Variants in TMEM45A observed in about 807,000 individuals in gnomAD.
The protein encoded by TMEM45A is transmembrane protein 45A, also known as DNA polymerase-transactivated protein 4.
A neutral mutation model predicts 32.0 loss-of-function variants in TMEM45A; 25 were observed. The ratio of observed to expected loss-of-function variants is 0.78; its 90% confidence interval spans 0.57 to 1.09. The LOEUF (loss-of-function observed/expected upper bound fraction) is 1.09, where lower values mean the gene tolerates loss of function less well. Among genes scored for constraint, TMEM45A ranks in the 50% least tolerant of loss-of-function variants. The pLI, the probability that TMEM45A is intolerant of heterozygous loss-of-function variation, is 0.00. For synonymous variants in TMEM45A, 122 were observed against 114.8 expected (o/e 1.06, Z -0.40); for missense variants, 302 against 325.0 (o/e 0.93, Z 0.54).
intron 1 of TMEM45A, among the ~76,000 whole-genome samples, chr3:100,517,388 G>T (rs1418708914): frequency 6.6e-6 from 1 of 152,180 alleles, no homozygotes; most frequent in South Asian, 2.1e-4. Context: ...ACCCGGCTGG[G>T]AATGGAATAT....
chr3:100,514,856 G>A (rs1190402518), intron 1 of TMEM45A, among the ~76,000 whole-genome samples: 1 of 149,246 alleles, frequency 6.7e-6, no homozygotes, highest in Non-Finnish European at 1.5e-5. Flanking sequence ...CATTTATGCA[G>A]CCAAAAAACA....
intron 1 of TMEM45A, among the ~76,000 whole-genome samples, chr3:100,551,211 C>T (rs1026569408): frequency 2.6e-5 from 4 of 151,954 alleles, no homozygotes; most frequent in Admixed American, 2.0e-4. Flanking sequence ...GACGGGGTTT[C>T]GCCGTGTCAG....
At chr3:100,510,215 C>T (rs1380142449) in intron 1 of TMEM45A, among the ~76,000 whole-genome samples, 1 of 152,088 alleles carries the variant, frequency 6.6e-6, no homozygotes, top group Non-Finnish European at 1.5e-5. Context: ...ACTTAAATGT[C>T]CCTGTCTGAC....
chr3:100,546,679 C>T (rs772546586), intron 1 of TMEM45A, among the ~76,000 whole-genome samples: 1 of 152,210 alleles, frequency 6.6e-6, no homozygotes, highest in Non-Finnish European at 1.5e-5. Context: ...AAAGCTTTAC[C>T]TCCTTAACAT....
chr3:100,541,371 T>G (rs1705871739), intron 1 of TMEM45A, among the ~76,000 whole-genome samples: 1 of 152,132 alleles, frequency 6.6e-6, no homozygotes. Context: ...TCGCAATTGT[T>G]TTTGGGGACT....
At chr3:100,498,896 T>C (rs1707971646) in intron 1 of TMEM45A, among the ~76,000 whole-genome samples, 1 of 152,196 alleles carries the variant, frequency 6.6e-6, no homozygotes, top group Non-Finnish European at 1.5e-5. Context: ...TTATTTTCTG[T>C]TTTTAATGTA....
At chr3:100,528,168 T>C (rs1705582455) in intron 1 of TMEM45A, among the ~76,000 whole-genome samples, 2 of 152,202 alleles carry the variant, frequency 1.3e-5, no homozygotes, top group South Asian at 4.1e-4. Flanking sequence ...TCCACAGTGG[T>C]GCCAAGGGTT....
intron 4 of TMEM45A, among the ~76,000 whole-genome samples, chr3:100,564,777 C>G (rs1305828205): frequency 6.6e-6 from 1 of 152,228 alleles, no homozygotes; most frequent in African/African-American, 2.4e-5. Context: ...AGCCACCACA[C>G]CTGGCCGCAA....
chr3:100,510,304 C>A (rs1471748489), intron 1 of TMEM45A, among the ~76,000 whole-genome samples: 3 of 152,208 alleles, frequency 2.0e-5, no homozygotes, highest in Non-Finnish European at 2.9e-5. Flanking sequence ...CAAGTGGGTC[C>A]CTGACCCCTG....
chr3:100,546,122 AGG>A (rs1258439826), intron 1 of TMEM45A, among the ~76,000 whole-genome samples: 3 of 152,162 alleles, frequency 2.0e-5, no homozygotes, highest in African/African-American at 7.2e-5. Context: ...CAAGGAATGG[AGG>A]TGGCTTCTAA....
chr3:100,561,477 A>C (rs1369835172), intron 4 of TMEM45A, among the ~76,000 whole-genome samples: 1 of 152,194 alleles, frequency 6.6e-6, no homozygotes, highest in Admixed American at 6.5e-5. Flanking sequence ...CACACATATA[A>C]ATGATTGGGT....
intron 1 of TMEM45A, among the ~76,000 whole-genome samples, chr3:100,500,353 C>T (rs561157106): frequency 6.6e-6 from 1 of 152,062 alleles, no homozygotes; most frequent in South Asian, 2.1e-4. Flanking sequence ...CAGACACTAG[C>T]ACTCAAGTGA....
intron 1 of TMEM45A, among the ~76,000 whole-genome samples, chr3:100,552,396 G>A (rs1041539732): frequency 6.6e-6 from 1 of 152,122 alleles, no homozygotes; most frequent in African/African-American, 2.4e-5. Flanking sequence ...GGTGTAATAG[G>A]GACCCTCCCC....
chr3:100,522,398 G>A (rs536675386), intron 1 of TMEM45A, among the ~76,000 whole-genome samples: 25 of 152,244 alleles, frequency 1.6e-4, no homozygotes, highest in African/African-American at 5.5e-4. Flanking sequence ...ATGGTGCAAG[G>A]CCCCAGTGTT....
At chr3:100,509,257 G>C (rs1031615977) in intron 1 of TMEM45A, among the ~76,000 whole-genome samples, 1 of 152,184 alleles carries the variant, frequency 6.6e-6, no homozygotes, top group African/African-American at 2.4e-5. Flanking sequence ...CAGTTGGAAT[G>C]GCTGTTATGA....
intron 1 of TMEM45A, among the ~76,000 whole-genome samples, chr3:100,495,132 C>T (rs1707904815): frequency 6.6e-6 from 1 of 152,186 alleles, no homozygotes; most frequent in African/African-American, 2.4e-5. Context: ...GAGTGCTGAC[C>T]ACTTGCTAGC....
chr3:100,525,429 A>T (rs1338941938), intron 1 of TMEM45A, among the ~76,000 whole-genome samples: 1 of 152,170 alleles, frequency 6.6e-6, no homozygotes, highest in East Asian at 1.9e-4. Flanking sequence ...CTTATGTCTG[A>T]TGGGGGGAAG....
chr3:100,550,684 G>T (rs1042151878), intron 1 of TMEM45A, among the ~76,000 whole-genome samples: 2 of 152,228 alleles, frequency 1.3e-5, no homozygotes, highest in Admixed American at 6.5e-5. Context: ...GGTTTGTGTG[G>T]CTGTTAACAT....
chr3:100,569,008 G>A (rs781675879), intron 5 of TMEM45A, 41 bp downstream of exon 5: 4 of 1,576,062 alleles, frequency 2.5e-6, no homozygotes, highest in Non-Finnish European at 3.5e-6. Flanking sequence ...CTGTTCCTTG[G>A]TATGTGATTA....
Sources: gnomAD v4.1 joint callset for allele counts (sites outside exome capture counted in the v4.1 genomes callset) on GRCh38, gnomAD v4.1.1 for gene constraint, MANE v1.5 for transcripts, NCBI Gene and HGNC (gene_info 2026-07-23, HGNC 2026-07-21) for gene names.